AGAP1: variants seen among roughly 807,000 people sequenced by gnomAD.
AGAP1 encodes arf-GAP with GTPase, ANK repeat and PH domain-containing protein 1.
A neutral mutation model predicts 105.3 loss-of-function variants in AGAP1; 29 were observed. The ratio of observed to expected loss-of-function variants is 0.28; its 90% confidence interval spans 0.21 to 0.38. The LOEUF (loss-of-function observed/expected upper bound fraction) is 0.38. Ranked by LOEUF, AGAP1 falls within the 10% of genes least tolerant of loss-of-function variation. AGAP1 has a pLI of 1.00. For missense variants in AGAP1, 998 were observed against 1,165.1 expected (o/e 0.86, Z 2.09); for synonymous variants, 509 against 485.9 (o/e 1.05, Z -0.63).
rs1953541452 is a variant in AGAP1, at chr2:235,752,607, T to C, written c.673+2119T>C. ...CCTGAGAAGCCCAGAATATTCACTCTCTGGCCCCGTGCAGAGAGCTTGCCG... is the reference window on the plus strand; with the variant it reads ...CCTGAGAAGCCCAGAATATTCACTCCCTGGCCCCGTGCAGAGAGCTTGCCG... On this transcript the variant is annotated intron_variant, in intron 6 of 17. Transcript: ENST00000304032. The surrounding 1 kb of genome is among the most constrained non-coding windows in gnomAD (Gnocchi z 4.3). Among the ~76,000 whole-genome samples the C allele has an allele frequency of 6.6e-6, 1 of 152,132 alleles. No individual in the cohort carries two copies. The highest frequency in any genetic ancestry group is 2.1e-4 in the South Asian group (1 of 4,818).
chr2:235,972,237 T>C (rs2054677969), intron 13 of AGAP1, among the ~76,000 whole-genome samples: 1 of 152,208 alleles, frequency 6.6e-6, no homozygotes, highest in Non-Finnish European at 1.5e-5. Flanking sequence ...AGAAGATTTG[T>C]GTAAAGTAGT....
At chr2:235,702,530 G>A (rs1306761102) in intron 1 of AGAP1, among the ~76,000 whole-genome samples, 1 of 152,178 alleles carries the variant, frequency 6.6e-6, no homozygotes, top group African/African-American at 2.4e-5. Flanking sequence ...CTGTTCCCTT[G>A]TTGGTGTTGT....
chr2:235,956,982 T>C (rs1158619405), intron 12 of AGAP1, among the ~76,000 whole-genome samples: 2 of 152,158 alleles, frequency 1.3e-5, no homozygotes, highest in African/African-American at 4.8e-5. Flanking sequence ...TACAACGACC[T>C]CTCCCATTTT....
Position 235,865,996 on chromosome 2 carries a change from G to C in AGAP1, c.1051-17349G>C, listed in dbSNP as rs2049150949. Reference sequence around the variant, plus strand: ...ATTTTCTGCAGCTTGAATGAAAGCTGTCTCGATCCATGTATGTCTGTGTAT... The same window carrying C: ...ATTTTCTGCAGCTTGAATGAAAGCTCTCTCGATCCATGTATGTCTGTGTAT... On this transcript the variant is annotated intron_variant, in intron 9 of 17. Transcript: ENST00000304032. This position sits in a 1 kb window ranked among gnomAD's most constrained non-coding sequence, Gnocchi z 6.2. Among the ~76,000 whole-genome samples, 1 of 152,172 alleles carries C rather than the reference G, an allele frequency of 6.6e-6. No individual in the cohort carries two copies. The highest frequency in any genetic ancestry group is 2.4e-5 in the African/African-American group (1 of 41,446).
chr2:235,828,894 G>A (rs1424851248), intron 9 of AGAP1, among the ~76,000 whole-genome samples: 25 of 152,212 alleles, frequency 1.6e-4, no homozygotes, highest in Non-Finnish European at 3.7e-4. Context: ...AACAGACCTT[G>A]AGTCCTCGTT....
In AGAP1 at chr2:236,053,908, C is replaced by T. The variant is rs984550325; in HGVS notation, c.2114+4627C>T. On this transcript the variant is annotated intron_variant, in intron 16 of 17. Transcript: ENST00000304032. The surrounding 1 kb of genome is among the most constrained non-coding windows in gnomAD (Gnocchi z 4.6). ...GCTGATTTAGTACGTATTCTTTTCCCTTTTTTAGCATCCTTTTTCTTTTTC... is the reference window on the plus strand; with the variant it reads ...GCTGATTTAGTACGTATTCTTTTCCTTTTTTTAGCATCCTTTTTCTTTTTC... 6.6e-6 allele frequency among the ~76,000 whole-genome samples: 1 copy of T among 152,230 alleles called. No individual in the cohort carries two copies. The highest frequency in any genetic ancestry group is 1.5e-5 in the Non-Finnish European group (1 of 68,042).
In AGAP1 at chr2:235,751,900, A is replaced by G. The variant is rs1468211388; in HGVS notation, c.673+1412A>G. On this transcript the variant is annotated intron_variant, in intron 6 of 17. Transcript: ENST00000304032. The surrounding 1 kb of genome is among the most constrained non-coding windows in gnomAD (Gnocchi z 5.3). Reference sequence around the variant, plus strand: ...AGCCCCTTCTTCCCTCCACTAACGTATATCTCGGGCACCTCCTGCTGCCTC... The same window carrying G: ...AGCCCCTTCTTCCCTCCACTAACGTGTATCTCGGGCACCTCCTGCTGCCTC... Among the ~76,000 whole-genome samples the G allele has an allele frequency of 6.6e-6, 1 of 152,158 alleles. No individual in the cohort carries two copies. The highest frequency in any genetic ancestry group is 3.2e-3 in the Middle Eastern group (1 of 314).
chr2:235,571,961 TACA>T (rs1944534185), intron 1 of AGAP1, among the ~76,000 whole-genome samples: 5 of 109,608 alleles, frequency 4.6e-5, no homozygotes, highest in African/African-American at 2.0e-4. Context: ...TGTGTGTGTA[TACA>T]TATATATGTA....
chr2:235,667,663 C>T (rs1366008161), intron 1 of AGAP1, among the ~76,000 whole-genome samples: 1 of 152,078 alleles, frequency 6.6e-6, no homozygotes, highest in Non-Finnish European at 1.5e-5. Flanking sequence ...TGGTTCTTAT[C>T]AAAGAGGGCT....
rs184498194 is a variant in AGAP1, at chr2:236,051,604, C to T, written c.2114+2323C>T. On this transcript the variant is annotated intron_variant, in intron 16 of 17. Coordinates refer to ENST00000304032, the MANE Select transcript of AGAP1 (RefSeq NM_001037131.3). The surrounding 1 kb of genome is among the most constrained non-coding windows in gnomAD (Gnocchi z 5.9). ...GCGAGTACAGCACCGTGGACGGGAGCCTCCCATGAATGAGGAGGAGCAGGA... is the reference window on the plus strand; with the variant it reads ...GCGAGTACAGCACCGTGGACGGGAGTCTCCCATGAATGAGGAGGAGCAGGA... Among the ~76,000 whole-genome samples the T allele has an allele frequency of 2.8e-3, 426 of 152,052 alleles. 3 individuals carry two copies. The highest frequency in any genetic ancestry group is 9.5e-3 in the African/African-American group (395 of 41,444).
At position 235,893,507 on chromosome 2, in the gene AGAP1, G is replaced by T. The variant is rs1414126507; in HGVS notation, c.1155+10058G>T. On this transcript the variant is annotated intron_variant, in intron 10 of 17. Coordinates refer to ENST00000304032, the MANE Select transcript of AGAP1 (RefSeq NM_001037131.3). This position sits in a 1 kb window ranked among gnomAD's most constrained non-coding sequence, Gnocchi z 4.7. ...AGGGTGAGCCATGTTTGTGGCGTGG[G>T]TGTGGCATGTCCACGAGGGTGCACC... Among the ~76,000 whole-genome samples, 1 of 147,638 alleles carries T rather than the reference G, an allele frequency of 6.8e-6. No homozygotes were observed. The highest frequency in any genetic ancestry group is 1.5e-5 in the Non-Finnish European group (1 of 66,906).
intron 6 of AGAP1, among the ~76,000 whole-genome samples, chr2:235,759,437 G>A (rs997242284): frequency 6.6e-6 from 1 of 152,168 alleles, no homozygotes; most frequent in African/African-American, 2.4e-5. Context: ...CCAAAGTGCT[G>A]GGATTACAGG....
chr2:236,118,624 G>A (rs1207688458), intron 16 of AGAP1, among the ~76,000 whole-genome samples: 3 of 151,836 alleles, frequency 2.0e-5, no homozygotes, highest in African/African-American at 7.3e-5. Flanking sequence ...CCTGACCTCA[G>A]GTGATCCACC....
At chr2:235,670,985 T>G (rs1948382841) in intron 1 of AGAP1, 1 of 1,325,904 alleles carries the variant, frequency 7.5e-7, no homozygotes, top group African/African-American at 1.5e-5. Context: ...ACGCGGCTAC[T>G]TCAGCCTGCG....
intron 16 of AGAP1, among the ~76,000 whole-genome samples, chr2:236,085,816 C>T (rs2058914834): frequency 6.6e-6 from 1 of 152,230 alleles, no homozygotes; most frequent in Non-Finnish European, 1.5e-5. Context: ...GTGGCCCAGC[C>T]GGCTTCCTTT....
Position 235,970,396 on chromosome 2 carries a change from G to A in AGAP1, c.1645+1773G>A, listed in dbSNP as rs1332034279. ...GGTAAGACTCCTTCAGACAACCGTTGGGCAAAAATCACCCTGCCAAGCACG... is the reference window on the plus strand; with the variant it reads ...GGTAAGACTCCTTCAGACAACCGTTAGGCAAAAATCACCCTGCCAAGCACG... On this transcript the variant is annotated intron_variant, in intron 13 of 17. Transcript: ENST00000304032. This position sits in a 1 kb window ranked among gnomAD's most constrained non-coding sequence, Gnocchi z 5.4. Among the ~76,000 whole-genome samples, 2 of 152,036 alleles carry A rather than the reference G, an allele frequency of 1.3e-5. No individual in the cohort carries two copies. The highest frequency in any genetic ancestry group is 4.8e-5 in the African/African-American group (2 of 41,394).
intron 6 of AGAP1, among the ~76,000 whole-genome samples, chr2:235,757,730 G>A (rs1476157790): frequency 6.6e-6 from 1 of 152,162 alleles, no homozygotes. Context: ...GGGAGCCTCG[G>A]TGTGCTCTTG....
rs1020235539 is a variant in AGAP1 at position 235,660,745 on chromosome 2, C to G, written c.164-48434C>G. Reference sequence around the variant, plus strand: ...GGGGAATCTTGGGATGCAATAGAAACAACCTCTGTTGGTTTTCAGCATTGG... The same window carrying G: ...GGGGAATCTTGGGATGCAATAGAAAGAACCTCTGTTGGTTTTCAGCATTGG... On this transcript the variant is annotated intron_variant, in intron 1 of 17. Transcript: ENST00000304032. This position sits in a 1 kb window ranked among gnomAD's most constrained non-coding sequence, Gnocchi z 5.3. Among the ~76,000 whole-genome samples, 1 of 152,186 alleles carries G rather than the reference C, an allele frequency of 6.6e-6. No individual in the cohort carries two copies. Among genetic ancestry groups the G allele is most frequent in the African/African-American group, 2.4e-5 (1 of 41,442 alleles).
At chr2:235,528,963 A>G (rs1291374383) in intron 1 of AGAP1, among the ~76,000 whole-genome samples, 3 of 152,222 alleles carry the variant, frequency 2.0e-5, no homozygotes, top group Admixed American at 2.0e-4. Flanking sequence ...TGCATGAGCC[A>G]CTGCGCCCAG....
Sources: allele counts gnomAD v4.1 joint callset (sites outside exome capture counted in the v4.1 genomes callset), GRCh38; gene constraint gnomAD v4.1.1; non-coding constraint Gnocchi (gnomAD v3.1); transcripts MANE v1.5; gene names NCBI Gene and HGNC (gene_info 2026-07-23, HGNC 2026-07-21).